The following ITFG2 variants were observed in gnomAD, a reference collection of about 807,000 sequenced individuals.
The protein encoded by ITFG2 is integrin alpha FG-GAP repeat containing 2.
Under a neutral mutation model 54.4 loss-of-function variants are expected in ITFG2, and 36 were observed. The observed-to-expected ratio is 0.66, with a 90% CI of 0.51 to 0.87. The LOEUF is 0.87. Ranked by LOEUF, ITFG2 falls within the 40% of genes least tolerant of loss-of-function variation. The pLI, the probability that ITFG2 is intolerant of heterozygous loss-of-function variation, is 0.00. For synonymous variants in ITFG2, 211 were observed against 225.4 expected (o/e 0.94, Z 0.57); for missense variants, 524 against 576.7 (o/e 0.91, Z 0.94).
Position 2,820,297 on chromosome 12 carries a change from G to A in ITFG2, c.546+72G>A. The A allele has an allele frequency of 6.1e-6, 9 of 1,481,080 alleles. No homozygotes were observed. The South Asian group carries it at 1.1e-4, about 18-fold the overall frequency. 91.7% of individuals were successfully genotyped at this position (1,481,080 alleles called of 1,614,324 possible). On this transcript the variant is annotated intron_variant, in intron 5 of 11. Coordinates refer to ENST00000228799, the MANE Select transcript of ITFG2 (RefSeq NM_018463.4). The stretch of plus-strand genomic sequence containing the variant: ...AGGTCTCCTGGAGGAGGTAGTGGGA[G>A]AGCAGTCATGGGACAGGGCCAGGGT...
intron 5 of ITFG2, 137 bp downstream of exon 5, chr12:2,820,362 AG>A: frequency 3.6e-6 from 4 of 1,110,056 alleles, no homozygotes; most frequent in Non-Finnish European, 5.0e-6. Flanking sequence ...AGAGATCCAA[AG>A]ACCATTTCAA....
Position 2,824,127 on chromosome 12 carries a change from C to T in ITFG2, c.1278C>T (p.His426=). The T allele has an allele frequency of 1.9e-6, 3 of 1,614,160 alleles. No homozygotes were observed. The highest frequency in any genetic ancestry group is 2.2e-5 in the East Asian group (1 of 44,874). ...DDLPVTRALL[H]QTLYHPDQPP... ...TCCCTGTGACTCGTGCCCTGCTTCA[C>T]CAAACGCTCTACCATCCAGACCAGC... Residue 426 remains histidine (H), a synonymous_variant, in exon 12 of 12, where the codon CAC becomes CAT. Coordinates refer to ENST00000228799, the MANE Select transcript of ITFG2 (RefSeq NM_018463.4).
chr12:2,838,135 T>A (rs1448415131), intron 1 of ITFG2, among the ~76,000 whole-genome samples: 1 of 152,146 alleles, frequency 6.6e-6, no homozygotes, highest in Non-Finnish European at 1.5e-5. Context: ...TCAAAGAGGA[T>A]CCTCTGGCAT....
At chr12:2,831,839 C>G (rs1383840904), upstream of ITFG2, among the ~76,000 whole-genome samples, 1 of 152,144 alleles carries the variant, frequency 6.6e-6, no homozygotes, top group Non-Finnish European at 1.5e-5. Context: ...TCAAGGCATT[C>G]TCTAGCCTCA....
intron 2 of ITFG2, chr12:2,854,979 C>T: frequency 1.3e-6 from 2 of 1,536,256 alleles, no homozygotes; most frequent in Non-Finnish European, 1.7e-6. Flanking sequence ...TGAGCTTCTC[C>T]ACCTCCTTCA....
downstream of ITFG2, among the ~76,000 whole-genome samples, chr12:2,829,628 G>T (rs1299299221): frequency 1.3e-5 from 2 of 151,986 alleles, no homozygotes; most frequent in African/African-American, 2.4e-5. Flanking sequence ...TTAGCCAGCT[G>T]TGGTGGCGCA....
intron 2 of ITFG2, among the ~76,000 whole-genome samples, chr12:2,848,169 G>T (rs1182525240): frequency 6.6e-6 from 1 of 152,220 alleles, no homozygotes; most frequent in Non-Finnish European, 1.5e-5. Flanking sequence ...ATTCCCAGGT[G>T]CCTGCAGGGC....
At chr12:2,855,056 G>A (rs2098082952) in intron 2 of ITFG2, 1 of 1,536,068 alleles carries the variant, frequency 6.5e-7, no homozygotes, top group South Asian at 1.2e-5. Flanking sequence ...GGATAACAGT[G>A]GATGAAGGTC....
intron 4 of ITFG2, among the ~76,000 whole-genome samples, chr12:2,819,292 G>A (rs1027715466): frequency 2.0e-5 from 3 of 151,896 alleles, no homozygotes; most frequent in East Asian, 3.9e-4. Flanking sequence ...GTGAAACCCC[G>A]TCTCTACTAA....
At chr12:2,815,549 T>A (rs1368317553) in intron 1 of ITFG2, among the ~76,000 whole-genome samples, 1 of 152,224 alleles carries the variant, frequency 6.6e-6, no homozygotes, top group Admixed American at 6.5e-5. Flanking sequence ...AAGGCCTTGC[T>A]AGAGGAGGGA....
At chr12:2,817,411 G>A in intron 2 of ITFG2, 93 bp downstream of exon 2, 1 of 827,924 alleles carries the variant, frequency 1.2e-6, no homozygotes, top group Non-Finnish European at 2.0e-6. Flanking sequence ...GCTCACCCAT[G>A]TGTCCTGACT....
upstream of ITFG2, among the ~76,000 whole-genome samples, chr12:2,836,078 T>C (rs2098026871): frequency 6.6e-6 from 1 of 152,236 alleles, no homozygotes; most frequent in African/African-American, 2.4e-5. Flanking sequence ...GCTATGAATA[T>C]TTTTGCACAC....
At position 2,820,193 on chromosome 12, in the gene ITFG2, GTGTCCCTCAAGAAA is replaced by G; in HGVS notation, c.517_530del (p.Ser173AspfsTer20). ...TCCTGAACATCTGACAGGGCAGCTG[GTGTCCCTCAAGAAA>G]TGGATGCTGGAGGGTCAGGTAAGAA... On this transcript the variant is annotated frameshift_variant, in exon 5 of 12. Coordinates refer to ENST00000228799, the MANE Select transcript of ITFG2 (RefSeq NM_018463.4). LOFTEE classifies it high-confidence loss of function. The G allele has an allele frequency of 6.2e-7, 1 of 1,612,318 alleles. No individual in the cohort carries two copies. The highest frequency in any genetic ancestry group is 1.3e-5 in the African/African-American group (1 of 74,978).
chr12:2,859,383 G>A (rs951401448), intron 3 of ITFG2: 1 of 1,613,976 alleles, frequency 6.2e-7, no homozygotes, highest in Non-Finnish European at 8.5e-7. Flanking sequence ...CCCACTGTAG[G>A]ACTTCTTGGG....
chr12:2,828,561 CA>C, downstream of ITFG2: 1 of 674,068 alleles, frequency 1.5e-6, no homozygotes, highest in Non-Finnish European at 2.5e-6. Context: ...TTATCGGGGC[CA>C]GGCGCGGTAG....
intron 10 of ITFG2, among the ~76,000 whole-genome samples, chr12:2,823,498 T>C: frequency 6.6e-6 from 1 of 152,240 alleles, no homozygotes; most frequent in East Asian, 1.9e-4. Flanking sequence ...GGGATATCAC[T>C]AAGATGGGAA....
upstream of ITFG2, among the ~76,000 whole-genome samples, chr12:2,832,096 G>A (rs2098006123): frequency 6.6e-6 from 1 of 152,024 alleles, no homozygotes; most frequent in Admixed American, 6.6e-5. Flanking sequence ...ACATCATTTC[G>A]AAGCCTCTTA....
chr12:2,838,059 G>A (rs1238744335), intron 1 of ITFG2, among the ~76,000 whole-genome samples: 2 of 152,114 alleles, frequency 1.3e-5, no homozygotes, highest in Admixed American at 1.3e-4. Flanking sequence ...TAGCTTTAGT[G>A]GAACTTTCTA....
At chr12:2,832,317 A>C (rs993738032), upstream of ITFG2, among the ~76,000 whole-genome samples, 10 of 151,958 alleles carry the variant, frequency 6.6e-5, no homozygotes, top group African/African-American at 1.9e-4. Context: ...CACAGTCCAC[A>C]TGACCGGGCC....
Sources: gnomAD v4.1 joint callset for allele counts (sites outside exome capture counted in the v4.1 genomes callset) on GRCh38, gnomAD v4.1.1 for gene constraint, MANE v1.5 for transcripts, NCBI Gene and HGNC (gene_info 2026-07-23, HGNC 2026-07-21) for gene names.